Variants in RFFL observed in about 807,000 individuals in gnomAD.
The protein encoded by RFFL is E3 ubiquitin-protein ligase rififylin.
Under a neutral mutation model 40.4 loss-of-function variants are expected in RFFL, and 16 were observed. The ratio of observed to expected loss-of-function variants is 0.40; its 90% CI spans 0.27 to 0.60. The LOEUF (loss-of-function observed/expected upper bound fraction) is 0.60. Ranked by LOEUF, RFFL falls within the 20% of genes least tolerant of loss-of-function variation. The pLI, the probability that RFFL is intolerant of heterozygous loss-of-function variation, is 0.47. For missense variants in RFFL, 367 were observed against 451.7 expected, an observed-to-expected ratio of 0.81 and a Z score of 1.70; for synonymous variants, 154 against 167.9, an observed-to-expected ratio of 0.92 and a Z score of 0.64.
At chr17:35,044,447 T>C (rs188513447) in intron 1 of RFFL, among the ~76,000 whole-genome samples, 60 of 152,202 alleles carry the variant, frequency 3.9e-4, no homozygotes, top group Admixed American at 9.2e-4. Context: ...TGAAACCTTG[T>C]CTCTACTAAA....
intron 1 of RFFL, among the ~76,000 whole-genome samples, chr17:35,080,549 A>G (rs2091398806): frequency 6.6e-6 from 1 of 152,194 alleles, no homozygotes; most frequent in Non-Finnish European, 1.5e-5. Flanking sequence ...TGCACGATTT[A>G]CTTAAGAAAA....
intron 1 of RFFL, among the ~76,000 whole-genome samples, chr17:35,039,349 A>G (rs1413808271): frequency 6.6e-6 from 1 of 152,102 alleles, no homozygotes; most frequent in African/African-American, 2.4e-5. Context: ...CCTCCCGAGT[A>G]GCTGGGATTA....
chr17:35,051,200 T>C (rs2091229894), intron 1 of RFFL, among the ~76,000 whole-genome samples: 1 of 152,164 alleles, frequency 6.6e-6, no homozygotes. Flanking sequence ...AAGAAAGACA[T>C]GCATATGGGT....
intron 1 of RFFL, among the ~76,000 whole-genome samples, chr17:35,032,543 G>A (rs1443797110): frequency 6.6e-6 from 1 of 152,038 alleles, no homozygotes; most frequent in African/African-American, 2.4e-5. Flanking sequence ...CCCTCAGGAG[G>A]AGGCATGTAT....
At chr17:35,077,052 A>C (rs977219649) in intron 1 of RFFL, 8 of 216,542 alleles carry the variant, frequency 3.7e-5, no homozygotes, top group Admixed American at 2.2e-4. Flanking sequence ...GGTTTTTAAA[A>C]ATAAAAATAA....
At chr17:35,030,390 G>A (rs1237362616) in intron 1 of RFFL, among the ~76,000 whole-genome samples, 1 of 151,350 alleles carries the variant, frequency 6.6e-6, no homozygotes, top group African/African-American at 2.4e-5. Flanking sequence ...CATTCTAACT[G>A]GTGTGAGATG....
upstream of RFFL, among the ~76,000 whole-genome samples, chr17:35,064,374 A>G (rs2142371825): frequency 6.6e-6 from 1 of 152,266 alleles, no homozygotes; most frequent in Non-Finnish European, 1.5e-5. Context: ...TAGGGAATAC[A>G]GAAGACTATG....
At chr17:35,028,319 G>A (rs1321426252) in intron 1 of RFFL, among the ~76,000 whole-genome samples, 1 of 152,054 alleles carries the variant, frequency 6.6e-6, no homozygotes, top group East Asian at 1.9e-4. Flanking sequence ...CTCCAGCCTG[G>A]GTGACAAAGT....
At chr17:35,024,253 A>G (rs1382041545) in intron 2 of RFFL, among the ~76,000 whole-genome samples, 1 of 152,148 alleles carries the variant, frequency 6.6e-6, no homozygotes, top group Non-Finnish European at 1.5e-5. Context: ...TCCCTGGAAT[A>G]TGGGAAGTAT....
rs1486497085 is a variant in RFFL at position 35,009,571 on chromosome 17, G to A, written c.*2397C>T. 16 of 149,284 alleles carry A rather than the reference G, an allele frequency of 1.1e-4. No individual in the cohort carries two copies. Among genetic ancestry groups the A allele is most frequent in the Non-Finnish European group, 2.2e-4 (15 of 67,636 alleles). 9.2% of individuals were successfully genotyped at this position (149,284 alleles called of 1,614,324 possible). On this transcript the variant is annotated 3_prime_UTR_variant, in exon 7 of 7. Transcript: ENST00000394597. ...TTGGAACTCCCAACTTTAATTTGGT[G>A]TAATAAAAATGATGCAAAAAAAAAA...
intron 1 of RFFL, among the ~76,000 whole-genome samples, chr17:35,038,824 T>C (rs369458097): frequency 2.0e-4 from 30 of 152,376 alleles, no homozygotes; most frequent in African/African-American, 6.7e-4. Context: ...TATGTAGATA[T>C]GTTGACTTTG....
intron 4 of RFFL, 37 bp from the exon 5 acceptor site, chr17:35,016,617 T>G (rs1193065516): frequency 7.1e-6 from 11 of 1,546,962 alleles, no homozygotes; most frequent in African/African-American, 1.4e-5. Flanking sequence ...TGCTCAGCTC[T>G]TACCTCCCCA....
chr17:35,056,816 T>TA (rs2091264153), intron 1 of RFFL, among the ~76,000 whole-genome samples: 1 of 152,236 alleles, frequency 6.6e-6, no homozygotes, highest in Admixed American at 6.5e-5. Flanking sequence ...CTCTATTCTC[T>TA]ACAGAGTAGC....
At chr17:35,057,517 G>A (rs918586785) in intron 1 of RFFL, among the ~76,000 whole-genome samples, 1 of 151,424 alleles carries the variant, frequency 6.6e-6, no homozygotes, top group Non-Finnish European at 1.5e-5. Flanking sequence ...CTGGCACACA[G>A]TAGGAGCTTA....
At chr17:35,065,071 G>A (rs1314203549), upstream of RFFL, among the ~76,000 whole-genome samples, 4 of 152,086 alleles carry the variant, frequency 2.6e-5, no homozygotes, top group Non-Finnish European at 5.9e-5. Context: ...CTTTCTGAAT[G>A]ATAAACACAT....
chr17:35,042,894 AT>A (rs2091175853), intron 1 of RFFL, among the ~76,000 whole-genome samples: 1 of 151,908 alleles, frequency 6.6e-6, no homozygotes, highest in South Asian at 2.1e-4. Flanking sequence ...AGACATGTAT[AT>A]GGTAGAACTT....
rs547945391 is a variant in RFFL, at chr17:35,033,353, AC to A, written c.-8-6793del. On this transcript the variant is annotated intron_variant, in intron 1 of 6. Coordinates refer to ENST00000394597, the MANE Select transcript of RFFL (RefSeq NM_001017368.2). ...AGACCAGCCTGGCCAGCATGGTGAA[AC>A]CCCATCTCTACTAAAAATACAAAAT... 4.1e-3 allele frequency among the ~76,000 whole-genome samples: 625 copies of A among 151,742 alleles called. 8 individuals carry two copies. Among genetic ancestry groups the A allele is most frequent in the African/African-American group, 0.014 (571 of 41,212 alleles).
At chr17:35,076,406 C>T (rs2091376702) in intron 1 of RFFL, among the ~76,000 whole-genome samples, 1 of 151,860 alleles carries the variant, frequency 6.6e-6, no homozygotes, top group African/African-American at 2.4e-5. Context: ...AAACGCCGGG[C>T]GTGGTGATTC....
chr17:35,014,649 C>T, intron 6 of RFFL, 91 bp downstream of exon 6: 2 of 1,266,810 alleles, frequency 1.6e-6, no homozygotes, highest in South Asian at 1.2e-5. Context: ...CTCAAATGCT[C>T]AGAATTCTTA....
Sources: allele counts gnomAD v4.1 joint callset (sites outside exome capture counted in the v4.1 genomes callset), GRCh38; gene constraint gnomAD v4.1.1; transcripts MANE v1.5; gene names NCBI Gene and HGNC (gene_info 2026-07-23, HGNC 2026-07-21).